FAM53A: variants seen among roughly 807,000 people sequenced by gnomAD.
The protein encoded by FAM53A is protein FAM53A.
A neutral mutation model predicts 26.6 loss-of-function variants in FAM53A; 28 were observed. The ratio of observed to expected loss-of-function variants is 1.05; its 90% CI spans 0.78 to 1.45. The LOEUF is 1.45. Ranked by LOEUF, FAM53A falls within the 40% of genes most tolerant of loss-of-function variation. The probability of loss-of-function intolerance (pLI) is 0.00; values close to 1 mark genes in which losing one functional copy is unlikely to be tolerated. For missense variants in FAM53A, 650 were observed against 575.8 expected, an observed-to-expected ratio of 1.13 and a Z score of -1.32; for synonymous variants, 290 against 253.1, an observed-to-expected ratio of 1.15 and a Z score of -1.38.
intron 2 of FAM53A, among the ~76,000 whole-genome samples, chr4:1,660,758 G>A (rs543727803): frequency 1.6e-4 from 25 of 151,920 alleles, no homozygotes; most frequent in African/African-American, 5.3e-4. Context: ...GCGTGGTGGC[G>A]AGTGCCTGTA....
chr4:1,669,487 T>A (rs1714479899), intron 1 of FAM53A, among the ~76,000 whole-genome samples: 1 of 152,122 alleles, frequency 6.6e-6, no homozygotes, highest in Non-Finnish European at 1.5e-5. Flanking sequence ...GGCAGATCCG[T>A]CTGTACTGCA....
At chr4:1,606,921 G>C in the FAM53A span, among the ~76,000 whole-genome samples, 1 of 152,250 alleles carries the variant, frequency 6.6e-6, no homozygotes. Context: ...CTGCCATGCT[G>C]TTCCCCACCG....
the FAM53A span, among the ~76,000 whole-genome samples, chr4:1,602,133 G>A: frequency 6.3e-4 from 96 of 152,366 alleles, no homozygotes; most frequent in Non-Finnish European, 1.2e-3. Flanking sequence ...GACTAGGCCT[G>A]CCTCATGCAT....
At chr4:1,670,560 C>T (rs1230014410) in intron 1 of FAM53A, among the ~76,000 whole-genome samples, 1 of 152,228 alleles carries the variant, frequency 6.6e-6, no homozygotes, top group Non-Finnish European at 1.5e-5. Context: ...AAAGGCTGTG[C>T]CCGCCTGGCT....
the FAM53A span, among the ~76,000 whole-genome samples, chr4:1,605,419 C>T: frequency 9.2e-5 from 14 of 152,146 alleles, no homozygotes; most frequent in Non-Finnish European, 1.8e-4. This position sits in a 1 kb window ranked among gnomAD's most constrained non-coding sequence, Gnocchi z 5.7. Context: ...GCCCATTCCG[C>T]CCCCACCAAA....
the FAM53A span, among the ~76,000 whole-genome samples, chr4:1,596,460 C>G: frequency 6.9e-6 from 1 of 144,698 alleles, no homozygotes; most frequent in Non-Finnish European, 1.5e-5. Context: ...CACCGCCCAA[C>G]GCTGGCTACA....
At chr4:1,680,364 G>A (rs1290358037) in intron 1 of FAM53A, among the ~76,000 whole-genome samples, 4 of 140,368 alleles carry the variant, frequency 2.8e-5, no homozygotes, top group African/African-American at 7.8e-5. Context: ...TACACACAAG[G>A]TACCACTACA....
chr4:1,668,842 G>A lies in FAM53A; in HGVS notation c.-101C>T, dbSNP rs901250569. The stretch of plus-strand genomic sequence containing the variant: ...CATTGCTGGGTCAGCCAAATCTCAA[G>A]GTCATGTCTCCACTTTCTTTACAGA... On this transcript the variant is annotated 5_prime_UTR_variant, in exon 2 of 5. Coordinates refer to ENST00000308132, the MANE Select transcript of FAM53A (RefSeq NM_001174070.3). 24 of 1,088,532 alleles carry A rather than the reference G, an allele frequency of 2.2e-5. No individual in the cohort carries two copies. The highest frequency in any genetic ancestry group is 2.6e-5 in the Non-Finnish European group (19 of 724,894). 67.4% of individuals were successfully genotyped at this position (1,088,532 alleles called of 1,614,324 possible).
intron 1 of FAM53A, among the ~76,000 whole-genome samples, chr4:1,673,283 T>TCAGATGC (rs1193736159): frequency 6.6e-6 from 1 of 152,146 alleles, no homozygotes; most frequent in Non-Finnish European, 1.5e-5. Context: ...CTCAGCACCG[T>TCAGATGC]CAGATGCCAG....
At chr4:1,674,081 G>C (rs952428343) in intron 1 of FAM53A, among the ~76,000 whole-genome samples, 1 of 152,214 alleles carries the variant, frequency 6.6e-6, no homozygotes, top group Admixed American at 6.5e-5. Flanking sequence ...AACAACAAAA[G>C]TTTACTCTCA....
chr4:1,599,073 G>C, the FAM53A span, among the ~76,000 whole-genome samples: 141 of 152,298 alleles, frequency 9.3e-4, 1 homozygote, highest in African/African-American at 3.1e-3. This position sits in a 1 kb window ranked among gnomAD's most constrained non-coding sequence, Gnocchi z 6.1. Context: ...ACCGAGGCCA[G>C]GGGATCCAGG....
At chr4:1,587,931 CT>C in the FAM53A span, among the ~76,000 whole-genome samples, 1 of 152,104 alleles carries the variant, frequency 6.6e-6, no homozygotes, top group African/African-American at 2.4e-5. Context: ...GTAATTCCCC[CT>C]CCCTTTGCTC....
rs563656743 is a variant in FAM53A at position 1,630,542 on chromosome 4, G to A, written c.432-12431C>T. ...AAGAGCAGGGTCTACAAAAATACAC[G>A]CCCCGGGCCCCGTTCAGCCAGTCCG... On this transcript the variant is annotated intron_variant, in intron 1 of 1. Coordinates refer to the FAM53A transcript ENST00000489029. The surrounding 1 kb of genome is among the most constrained non-coding windows in gnomAD (Gnocchi z 4.3). 1.5e-4 allele frequency among the ~76,000 whole-genome samples: 23 copies of A among 152,228 alleles called. No homozygotes were observed. The highest frequency in any genetic ancestry group is 6.2e-4 in the South Asian group (3 of 4,820).
chr4:1,595,501 C>T, the FAM53A span, among the ~76,000 whole-genome samples: 2,176 of 152,308 alleles, frequency 0.014, 40 homozygotes, highest in African/African-American at 0.044. Flanking sequence ...AAACCACTGA[C>T]ACTACGTGGC....
chr4:1,614,544 C>T (rs1321719271), downstream of FAM53A, among the ~76,000 whole-genome samples: 1 of 151,418 alleles, frequency 6.6e-6, no homozygotes, highest in African/African-American at 2.4e-5. Flanking sequence ...CAGAGACACA[C>T]CAGAACAACA....
the FAM53A span, among the ~76,000 whole-genome samples, chr4:1,611,165 C>T: frequency 6.6e-6 from 1 of 152,200 alleles, no homozygotes; most frequent in African/African-American, 2.4e-5. Flanking sequence ...GAAGCAGGGG[C>T]GCAGTGGGCG....
the FAM53A span, among the ~76,000 whole-genome samples, chr4:1,579,984 GTAATT>G: frequency 6.6e-6 from 1 of 152,236 alleles, no homozygotes; most frequent in African/African-American, 2.4e-5. Context: ...CTTTGTGTTT[GTAATT>G]TAATTAAAGA....
chr4:1,682,422 CCA>C (rs1215773361), intron 1 of FAM53A, among the ~76,000 whole-genome samples: 2 of 152,040 alleles, frequency 1.3e-5, no homozygotes, highest in Admixed American at 1.3e-4. Context: ...ACCACCACAC[CCA>C]GTTAATTTTT....
intron 3 of FAM53A, 68 bp downstream of exon 3, chr4:1,657,340 C>T: frequency 6.9e-7 from 1 of 1,440,884 alleles, no homozygotes; most frequent in Non-Finnish European, 9.6e-7. Context: ...GCGTCCAGGA[C>T]CCTCCCAGCC....
Sources: allele counts gnomAD v4.1 joint callset (sites outside exome capture counted in the v4.1 genomes callset), GRCh38; gene constraint gnomAD v4.1.1; non-coding constraint Gnocchi (gnomAD v3.1); transcripts MANE v1.5; gene names NCBI Gene and HGNC (gene_info 2026-07-23, HGNC 2026-07-21).